The following MACF1 variants were observed in gnomAD, a reference collection of about 807,000 sequenced individuals.
The protein encoded by MACF1 is microtubule actin crosslinking factor 1.
MACF1 carries 193 observed loss-of-function variants against 854.8 expected under a neutral mutation model. That is an observed-to-expected ratio of 0.23 (90% CI 0.20 to 0.25). The LOEUF (loss-of-function observed/expected upper bound fraction) is 0.25, where lower values mean the gene tolerates loss of function less well. MACF1 is among the 10% of genes least tolerant of loss of function. The pLI is 1.00. For synonymous variants in MACF1, 3,185 were observed against 3,226.7 expected, an observed-to-expected ratio of 0.99 and a Z score of 0.44; for missense variants, 7,722 against 8,929.1, an observed-to-expected ratio of 0.86 and a Z score of 5.45.
intron 2 of MACF1, among the ~76,000 whole-genome samples, chr1:39,183,187 G>A (rs1265132394): frequency 1.3e-5 from 2 of 152,200 alleles, no homozygotes; most frequent in African/African-American, 4.8e-5. Context: ...GTTGCTAGGG[G>A]TTGAGGAGGG....
chr1:39,092,159 G>T (rs559992557), intron 2 of MACF1, among the ~76,000 whole-genome samples: 1 of 152,274 alleles, frequency 6.6e-6, no homozygotes, highest in South Asian at 2.1e-4. Flanking sequence ...GAAGAGACAG[G>T]GCACTTCCCG....
chr1:39,263,458 T>TA (rs1289860899), intron 6 of MACF1, among the ~76,000 whole-genome samples: 3 of 152,230 alleles, frequency 2.0e-5, no homozygotes, highest in African/African-American at 7.2e-5. Flanking sequence ...GAAGAGTATA[T>TA]AACAGATCCT....
At chr1:39,124,428 G>A (rs1193495952) in intron 2 of MACF1, among the ~76,000 whole-genome samples, 1 of 152,134 alleles carries the variant, frequency 6.6e-6, no homozygotes, top group Non-Finnish European at 1.5e-5. Context: ...ATGACATGGT[G>A]CATTTTGCAA....
chr1:39,178,570 C>A (rs897536259), intron 2 of MACF1, among the ~76,000 whole-genome samples: 1 of 152,132 alleles, frequency 6.6e-6, no homozygotes, highest in African/African-American at 2.4e-5. Context: ...TTAAGGCATG[C>A]GGGTCACTGA....
At position 39,416,413 on chromosome 1, in the gene MACF1, G is replaced by A. The variant is rs79296035; in HGVS notation, c.15817-5961G>A. On this transcript the variant is annotated intron_variant, in intron 58 of 100. Coordinates refer to ENST00000564288, the MANE Select transcript of MACF1 (RefSeq NM_001394062.1). ...CTAATCCCAACATTTGGGAAGCCAA[G>A]GGAAGAGGATTGCTTGAGGCCAGGA... is the stretch of plus-strand genomic sequence containing the variant. Among the ~76,000 whole-genome samples the A allele has an allele frequency of 7.2e-3, 1,101 of 152,068 alleles. 4 individuals carry two copies. The highest frequency in any genetic ancestry group is 0.011 in the Non-Finnish European group (760 of 68,002).
chr1:39,468,297 G>C (rs1644709852), intron 95 of MACF1: 2 of 204,936 alleles, frequency 9.8e-6, no homozygotes, highest in South Asian at 1.8e-4. Context: ...GCTGAGGCAG[G>C]AGAATTGCTT....
Position 39,357,740 on chromosome 1 carries a change from C to T in MACF1, c.11790C>T (p.His3930=), listed in dbSNP as rs537069798. ...GCTTCTCAGAGGATGTCATTTCCCA[C>T]AAAGGAGACTTGAGATTTGTGACTA... The part of the protein sequence containing the change: ...QGSFSEDVIS[H]KGDLRFVTIS... The change falls in exon 45 of 101, where the codon CAC becomes CAT. Residue 3930 remains histidine, a synonymous_variant. Transcript: ENST00000564288. 24 of 1,614,028 alleles carry T rather than the reference C, an allele frequency of 1.5e-5. No homozygotes were observed. Among genetic ancestry groups the T allele is most frequent in the Non-Finnish European group, 2.0e-5 (24 of 1,180,036 alleles).
At position 39,482,805 on chromosome 1, in the gene MACF1, AAAAAAAAAAAC is replaced by A. The variant is rs1266489170; in HGVS notation, c.22281+1776_22282-1785del. On this transcript the variant is annotated intron_variant, in intron 99 of 100. Coordinates refer to ENST00000564288, the MANE Select transcript of MACF1 (RefSeq NM_001394062.1). ...TGAGACTGCCTCAAAAAAAAAAAAA[AAAAAAAAAAAC>A]CCCACACAGATTTAAGGCTGGACAT... 4.1e-5 allele frequency among the ~76,000 whole-genome samples: 6 copies of A among 148,018 alleles called. No homozygotes were observed. The South Asian group carries it at 8.5e-4, about 21-fold the overall frequency.
chr1:39,268,355 T>G, intron 6 of MACF1: 1 of 695,530 alleles, frequency 1.4e-6, no homozygotes, highest in Non-Finnish European at 1.8e-6. Flanking sequence ...TGCTTTCTGT[T>G]TGTGTTACTG....
chr1:39,235,838 G>A, intron 2 of MACF1, among the ~76,000 whole-genome samples: 1 of 152,166 alleles, frequency 6.6e-6, no homozygotes, highest in East Asian at 1.9e-4. Context: ...GGGCTCAAGT[G>A]ATCCTCCCAC....
chr1:39,102,902 C>T (rs1642129617), intron 2 of MACF1: 3 of 702,352 alleles, frequency 4.3e-6, no homozygotes, highest in Non-Finnish European at 7.8e-6. Context: ...AGACTTCCTT[C>T]TTCCCATCCC....
chr1:39,380,634 C>T (rs1487263542), intron 55 of MACF1, among the ~76,000 whole-genome samples: 1 of 152,168 alleles, frequency 6.6e-6, no homozygotes, highest in Non-Finnish European at 1.5e-5. Flanking sequence ...AGGCCAGGAA[C>T]AGTGCCTCAC....
chr1:39,107,565 A>G (rs773676487), intron 2 of MACF1, among the ~76,000 whole-genome samples: 1 of 152,162 alleles, frequency 6.6e-6, no homozygotes, highest in Non-Finnish European at 1.5e-5. Flanking sequence ...CTGGGAGGTC[A>G]GAGTGGCTTA....
intron 2 of MACF1, among the ~76,000 whole-genome samples, chr1:39,169,068 C>T (rs1643911568): frequency 6.6e-6 from 1 of 152,176 alleles, no homozygotes; most frequent in African/African-American, 2.4e-5. Context: ...CTTCATCAAC[C>T]CCATTTTCAA....
intron 58 of MACF1, among the ~76,000 whole-genome samples, chr1:39,407,865 C>G (rs987451062): frequency 3.3e-5 from 5 of 152,050 alleles, no homozygotes; most frequent in Admixed American, 6.5e-5. Flanking sequence ...ATGTTTTTTT[C>G]CTTCATAAAA....
chr1:39,164,890 A>T (rs1215481608), intron 2 of MACF1, among the ~76,000 whole-genome samples: 2 of 152,242 alleles, frequency 1.3e-5, no homozygotes, highest in African/African-American at 4.8e-5. Context: ...TGTGTTTTAA[A>T]TCAATGTATT....
Position 39,434,539 on chromosome 1 carries a change from C to A in MACF1, c.17691C>A (p.Ser5897Arg), listed in dbSNP as rs1269038049. 1 of 1,614,094 alleles carries A rather than the reference C, an allele frequency of 6.2e-7. No homozygotes were observed. Among genetic ancestry groups the A allele is most frequent in the Admixed American group, 1.7e-5 (1 of 60,020 alleles). ...TTTGGGAAACTTATGAAGAGCTCAG[C>A]CCCTGGATTGAGGAAACTCGGGCAC... ...NQFWETYEEL[S>R]PWIEETRALI... The change falls in exon 69 of 101, where the codon AGC becomes AGA. Residue 5897 changes from serine to arginine, a missense_variant. Physicochemically the swap from Ser to Arg is moderately radical, Grantham distance 110. Transcript: ENST00000564288.
At chr1:39,298,392 AAATT>A (rs1192586664) in intron 21 of MACF1, among the ~76,000 whole-genome samples, 4 of 152,212 alleles carry the variant, frequency 2.6e-5, no homozygotes, top group Non-Finnish European at 5.9e-5. Context: ...GCTGGTAATT[AAATT>A]AGCAGAAAGA....
rs1642913623 is a variant in MACF1 at position 39,409,967 on chromosome 1, T to C, written c.15817-12407T>C. 1 of 298,612 alleles carries C rather than the reference T, an allele frequency of 3.3e-6. No homozygotes were observed. Among genetic ancestry groups the C allele is most frequent in the African/African-American group, 2.2e-5 (1 of 46,330 alleles). The allele number at this position is 298,612 out of a possible 1,614,324, so 18.5% of individuals were successfully genotyped here. On this transcript the variant is annotated intron_variant, in intron 58 of 100. Coordinates refer to ENST00000564288, the MANE Select transcript of MACF1 (RefSeq NM_001394062.1). The surrounding 1 kb of genome is among the most constrained non-coding windows in gnomAD (Gnocchi z 4.2). The stretch of plus-strand genomic sequence containing the variant: ...AATATCAGATGATTTTTGTTGACTG[T>C]ATTTGAAAGAGCAGTGCTCTTAAAA...
Sources: gnomAD v4.1 joint callset for allele counts (sites outside exome capture counted in the v4.1 genomes callset) on GRCh38, gnomAD v4.1.1 for gene constraint, Gnocchi (gnomAD v3.1) non-coding constraint, MANE v1.5 for transcripts, NCBI Gene and HGNC (gene_info 2026-07-23, HGNC 2026-07-21) for gene names.